The following AGBL4 variants were observed in gnomAD, a reference collection of about 807,000 sequenced individuals.
The protein encoded by AGBL4 is cytosolic carboxypeptidase 6.
Under a neutral mutation model 66.4 loss-of-function variants are expected in AGBL4, and 58 were observed. The observed-to-expected ratio is 0.87, with a 90% CI of 0.71 to 1.09. AGBL4 has a LOEUF of 1.09. Among genes scored for constraint, AGBL4 ranks in the 50% least tolerant of loss-of-function variants. The probability of loss-of-function intolerance (pLI) is 0.00; values close to 1 mark genes in which losing one functional copy is unlikely to be tolerated. For missense variants in AGBL4, 579 were observed against 631.0 expected (o/e 0.92, Z 0.88); for synonymous variants, 234 against 222.9 (o/e 1.05, Z -0.44).
chr1:48,818,578 A>G (rs1646240546), intron 6 of AGBL4, among the ~76,000 whole-genome samples: 2 of 152,220 alleles, frequency 1.3e-5, no homozygotes, highest in Admixed American at 1.3e-4. Context: ...TGGTGAAAAA[A>G]TATGCACTTA....
intron 2 of AGBL4, among the ~76,000 whole-genome samples, chr1:49,848,153 T>C (rs1646204447): frequency 6.6e-6 from 1 of 152,176 alleles, no homozygotes; most frequent in South Asian, 2.1e-4. Flanking sequence ...AGAATGCTTA[T>C]CAACTGTTGG....
chr1:49,308,884 A>G (rs972161872), intron 3 of AGBL4, among the ~76,000 whole-genome samples: 1 of 152,128 alleles, frequency 6.6e-6, no homozygotes, highest in Middle Eastern at 3.2e-3. Flanking sequence ...GTTTTAAAAA[A>G]CTTTACACAA....
intron 6 of AGBL4, among the ~76,000 whole-genome samples, chr1:48,747,561 T>G (rs371744219): frequency 1.3e-5 from 2 of 152,232 alleles, no homozygotes; most frequent in East Asian, 3.9e-4. Context: ...ATAACTCTGA[T>G]TTAACGGATA....
chr1:48,888,630 C>T (rs1220817392), intron 5 of AGBL4, among the ~76,000 whole-genome samples: 1 of 152,180 alleles, frequency 6.6e-6, no homozygotes, highest in East Asian at 1.9e-4. Flanking sequence ...GAATCTGCAG[C>T]CATGCCTCCT....
intron 3 of AGBL4, among the ~76,000 whole-genome samples, chr1:49,249,637 C>A (rs934516876): frequency 6.6e-6 from 1 of 152,108 alleles, no homozygotes. Flanking sequence ...GAAAGTAGTA[C>A]AGGCATTATG....
intron 1 of AGBL4, among the ~76,000 whole-genome samples, chr1:49,928,825 GAAAA>G: frequency 7.3e-6 from 1 of 137,696 alleles, no homozygotes; most frequent in Non-Finnish European, 1.6e-5. Context: ...TATCCTCAAA[GAAAA>G]AAAAAAAATC....
chr1:49,929,014 A>G (rs1390587251), intron 1 of AGBL4, among the ~76,000 whole-genome samples: 1 of 152,236 alleles, frequency 6.6e-6, no homozygotes, highest in Non-Finnish European at 1.5e-5. Flanking sequence ...TATCCTTTGC[A>G]GCAACATGGA....
At chr1:48,952,340 G>A (rs900731117) in intron 5 of AGBL4, among the ~76,000 whole-genome samples, 1 of 152,154 alleles carries the variant, frequency 6.6e-6, no homozygotes, top group African/African-American at 2.4e-5. Flanking sequence ...ATACAGAGTA[G>A]AGGAAAATCA....
intron 3 of AGBL4, among the ~76,000 whole-genome samples, chr1:49,289,482 T>C (rs1349409029): frequency 6.6e-6 from 1 of 152,152 alleles, no homozygotes; most frequent in Admixed American, 6.5e-5. Flanking sequence ...TTGAAGACAG[T>C]ATAAAAGATG....
At chr1:48,552,587 A>G (rs1644264947) in intron 11 of AGBL4, among the ~76,000 whole-genome samples, 1 of 152,216 alleles carries the variant, frequency 6.6e-6, no homozygotes, top group African/African-American at 2.4e-5. Context: ...TAGGGTGTTT[A>G]GCAGCATCCG....
At chr1:49,455,671 A>T (rs941762426) in intron 3 of AGBL4, among the ~76,000 whole-genome samples, 5 of 151,620 alleles carry the variant, frequency 3.3e-5, no homozygotes, top group Non-Finnish European at 7.4e-5. Context: ...GTCTAGTTTC[A>T]CATTATGTTT....
At chr1:49,090,625 T>C (rs1260020534) in intron 4 of AGBL4, among the ~76,000 whole-genome samples, 5 of 152,142 alleles carry the variant, frequency 3.3e-5, no homozygotes, top group Non-Finnish European at 1.5e-5. Flanking sequence ...TGCTCATGGA[T>C]AGGAAGATTC....
chr1:49,357,741 G>T lies in AGBL4; in HGVS notation c.283-111877C>A, dbSNP rs148550997. Reference sequence around the variant, plus strand: ...CCTCAGTCTATTCGTCTGTAAACAGGAAATAACTTCTTTAGAGTATTCGTG... The same window carrying T: ...CCTCAGTCTATTCGTCTGTAAACAGTAAATAACTTCTTTAGAGTATTCGTG... On this transcript the variant is annotated intron_variant, in intron 3 of 13. Transcript: ENST00000371839. 3.8e-3 allele frequency among the ~76,000 whole-genome samples: 580 copies of T among 152,258 alleles called. 1 individual carries two copies. The highest frequency in any genetic ancestry group is 5.2e-3 in the Non-Finnish European group (353 of 68,036).
chr1:49,285,226 C>T (rs1405377741), intron 3 of AGBL4, among the ~76,000 whole-genome samples: 2 of 152,152 alleles, frequency 1.3e-5, no homozygotes, highest in South Asian at 2.1e-4. Flanking sequence ...TCACTCAAAA[C>T]CGCTCAACTA....
At chr1:48,825,867 C>T (rs1029513270) in intron 6 of AGBL4, among the ~76,000 whole-genome samples, 3 of 152,108 alleles carry the variant, frequency 2.0e-5, no homozygotes, top group African/African-American at 7.2e-5. Context: ...AATGGGGAGA[C>T]AAGGAAGGTG....
At chr1:48,665,553 G>A (rs1439413689) in intron 6 of AGBL4, among the ~76,000 whole-genome samples, 1 of 152,184 alleles carries the variant, frequency 6.6e-6, no homozygotes, top group Non-Finnish European at 1.5e-5. Context: ...ACAGAAGGAA[G>A]GGACATGCCC....
At chr1:49,478,225 C>T (rs1646884167) in intron 3 of AGBL4, among the ~76,000 whole-genome samples, 2 of 151,346 alleles carry the variant, frequency 1.3e-5, no homozygotes, top group Non-Finnish European at 2.9e-5. Context: ...AAATAAAATA[C>T]CAAGCAGGTT....
chr1:48,637,302 T>G (rs2148418769), intron 8 of AGBL4, among the ~76,000 whole-genome samples: 1 of 152,310 alleles, frequency 6.6e-6, no homozygotes, highest in South Asian at 2.1e-4. Context: ...TTTCCTTCAG[T>G]CTGGGAATTA....
intron 6 of AGBL4, among the ~76,000 whole-genome samples, chr1:48,713,283 A>C (rs933598611): frequency 1.1e-4 from 17 of 152,170 alleles, no homozygotes; most frequent in Admixed American, 3.3e-4. Flanking sequence ...TGGGCTGAGA[A>C]GTAACCCAGG....
Sources: gnomAD v4.1 joint callset for allele counts (sites outside exome capture counted in the v4.1 genomes callset) on GRCh38, gnomAD v4.1.1 for gene constraint, MANE v1.5 for transcripts, NCBI Gene and HGNC (gene_info 2026-07-23, HGNC 2026-07-21) for gene names.